Variants in GAB1 observed in about 807,000 individuals in gnomAD.
The protein encoded by GAB1 is GRB2 associated binding protein 1.
GAB1 carries 19 observed loss-of-function variants against 66.5 expected under a neutral mutation model. That is an observed-to-expected ratio of 0.29 (90% CI 0.20 to 0.42). GAB1 has a LOEUF of 0.42. GAB1 is among the 10% of genes least tolerant of loss of function. The pLI is 1.00. For missense variants in GAB1, 732 were observed against 858.5 expected, an observed-to-expected ratio of 0.85 and a Z score of 1.84; for synonymous variants, 294 against 301.4, an observed-to-expected ratio of 0.98 and a Z score of 0.25.
At chr4:143,408,724 TCTTCAA>T (rs763236895) in intron 1 of GAB1, among the ~76,000 whole-genome samples, 13 of 152,346 alleles carry the variant, frequency 8.5e-5, no homozygotes, top group Non-Finnish European at 1.5e-4. Context: ...GAAACGCACA[TCTTCAA>T]CCCCGACATT....
intron 2 of GAB1, among the ~76,000 whole-genome samples, chr4:143,428,071 A>G (rs1217138994): frequency 6.6e-6 from 1 of 152,210 alleles, no homozygotes; most frequent in African/African-American, 2.4e-5. Flanking sequence ...CCCTGCTGTC[A>G]GTAGCCTTTG....
intron 1 of GAB1, among the ~76,000 whole-genome samples, chr4:143,367,488 A>C (rs1038551677): frequency 1.3e-5 from 2 of 152,060 alleles, no homozygotes; most frequent in Non-Finnish European, 2.9e-5. Flanking sequence ...GGAAAGCCCC[A>C]GAGCCATTGC....
Position 143,433,722 on chromosome 4 carries a change from T to TAA in GAB1, c.593+6_593+7insAA. The TAA allele has an allele frequency of 6.3e-7, 1 of 1,599,982 alleles. No homozygotes were observed. The highest frequency in any genetic ancestry group is 8.6e-7 in the Non-Finnish European group (1 of 1,167,286). On this transcript the variant is annotated splice_region_variant and intron_variant, in intron 3 of 9. Coordinates refer to ENST00000262994, the MANE Select transcript of GAB1 (RefSeq NM_002039.4). Reference sequence around the variant, plus strand: ...AAGAAGCCCGAACCCACCAGGTAAATTATATATGCCCATGTGAGAGAGAGA... The same window carrying TAA: ...AAGAAGCCCGAACCCACCAGGTAAATAATATATATGCCCATGTGAGAGAGAGA...
chr4:143,452,488 A>G (rs1274111381), intron 6 of GAB1, among the ~76,000 whole-genome samples: 1 of 152,236 alleles, frequency 6.6e-6, no homozygotes, highest in Non-Finnish European at 1.5e-5. Flanking sequence ...AGGTTACAGT[A>G]TACAGCAGTA....
chr4:143,350,104 G>GCGTCAT (rs1729142012), intron 1 of GAB1: 1 of 1,235,848 alleles, frequency 8.1e-7, no homozygotes, highest in African/African-American at 1.5e-5. Context: ...CGCTGCACCG[G>GCGTCAT]CGTCATCCGC....
At position 143,460,403 on chromosome 4, in the gene GAB1, G is replaced by C. The variant is rs779614989; in HGVS notation, c.1719G>C (p.Val573=). ...CCATGTCCCCCCGACCAGATTCAGT[G>C]CATAGCACAACTTCAAGCAGTGACT... ...RFPMSPRPDS[V]HSTTSSSDSH... The change falls in exon 8 of 10, where the codon GTG becomes GTC. Residue 573 remains valine, a synonymous_variant. Transcript: ENST00000262994. The C allele has an allele frequency of 3.1e-6, 5 of 1,613,600 alleles. No homozygotes were observed. In the Admixed American group the frequency reaches 5.0e-5, roughly 16 times the overall value.
intron 1 of GAB1, among the ~76,000 whole-genome samples, chr4:143,353,827 T>G (rs1228187367): frequency 6.6e-6 from 1 of 152,212 alleles, no homozygotes; most frequent in Non-Finnish European, 1.5e-5. Context: ...GGTTGTACTT[T>G]AGAACTTTTC....
At chr4:143,409,667 G>A (rs1331351051) in intron 1 of GAB1, among the ~76,000 whole-genome samples, 1 of 152,112 alleles carries the variant, frequency 6.6e-6, no homozygotes, top group Non-Finnish European at 1.5e-5. Context: ...ATTGTCAGTG[G>A]TAGGAAGGTA....
At chr4:143,453,798 C>T (rs1368027933) in intron 6 of GAB1, among the ~76,000 whole-genome samples, 1 of 152,156 alleles carries the variant, frequency 6.6e-6, no homozygotes, top group Non-Finnish European at 1.5e-5. Flanking sequence ...CAGTCATCAT[C>T]TGTGTGACTC....
chr4:143,456,156 G>A (rs980150668), intron 6 of GAB1, among the ~76,000 whole-genome samples: 1 of 152,240 alleles, frequency 6.6e-6, no homozygotes, highest in Non-Finnish European at 1.5e-5. Context: ...ATTTGGGGGA[G>A]TTTAAAAAGT....
chr4:143,366,883 C>G (rs1017185051), intron 1 of GAB1, among the ~76,000 whole-genome samples: 4 of 152,042 alleles, frequency 2.6e-5, no homozygotes, highest in African/African-American at 9.7e-5. Flanking sequence ...AGGCTCATTT[C>G]TCTTACCTGT....
intron 1 of GAB1, among the ~76,000 whole-genome samples, chr4:143,339,836 T>C (rs1280397730): frequency 6.6e-6 from 1 of 152,210 alleles, no homozygotes; most frequent in Non-Finnish European, 1.5e-5. Flanking sequence ...CTGCCTACAT[T>C]GTGTTTTCCA....
chr4:143,443,684 C>T (rs1734356416), intron 6 of GAB1, among the ~76,000 whole-genome samples: 1 of 152,016 alleles, frequency 6.6e-6, no homozygotes, highest in Admixed American at 6.6e-5. Flanking sequence ...TAAAATATGG[C>T]TTGATTAGTT....
At chr4:143,441,744 A>G (rs762428894) in intron 6 of GAB1, among the ~76,000 whole-genome samples, 3 of 151,916 alleles carry the variant, frequency 2.0e-5, no homozygotes, top group African/African-American at 4.8e-5. Flanking sequence ...CTTACTCTGT[A>G]TCCTCTACTT....
chr4:143,433,962 G>A lies in GAB1; in HGVS notation c.593+246G>A, dbSNP rs1475267448. 2.8e-5 allele frequency: 18 copies of A among 634,550 alleles called. No homozygotes were observed. The South Asian group carries it at 3.6e-4, about 13-fold the overall frequency. 39.3% of individuals were successfully genotyped at this position (634,550 alleles called of 1,614,324 possible). On this transcript the variant is annotated intron_variant, in intron 3 of 9. Coordinates refer to ENST00000262994, the MANE Select transcript of GAB1 (RefSeq NM_002039.4). ...GGCAAAGAGCAGTTTTCCCTACAAG[G>A]CTCTTTTGGAAATCTGTCTCCTATT...
chr4:143,390,218 T>C (rs977712683), intron 1 of GAB1, among the ~76,000 whole-genome samples: 5 of 152,160 alleles, frequency 3.3e-5, no homozygotes, highest in Non-Finnish European at 5.9e-5. Context: ...CTGATTTCTT[T>C]CAAAGTTTTG....
At chr4:143,406,412 T>G (rs911348318) in intron 1 of GAB1, among the ~76,000 whole-genome samples, 2 of 152,240 alleles carry the variant, frequency 1.3e-5, no homozygotes, top group African/African-American at 4.8e-5. Flanking sequence ...CCTGGACATT[T>G]GCACCACCTC....
intron 1 of GAB1, among the ~76,000 whole-genome samples, chr4:143,347,510 T>C (rs975150313): frequency 1.3e-5 from 2 of 152,244 alleles, no homozygotes; most frequent in Non-Finnish European, 2.9e-5. Context: ...GTCATATTAC[T>C]TAACCAGTTG....
chr4:143,386,397 T>G (rs1016306878), intron 1 of GAB1, among the ~76,000 whole-genome samples: 2 of 152,216 alleles, frequency 1.3e-5, no homozygotes, highest in Admixed American at 6.5e-5. Context: ...ATAATATTTT[T>G]TATTTTTAAG....
Sources: gnomAD v4.1 joint callset for allele counts (sites outside exome capture counted in the v4.1 genomes callset) on GRCh38, gnomAD v4.1.1 for gene constraint, MANE v1.5 for transcripts, NCBI Gene and HGNC (gene_info 2026-07-23, HGNC 2026-07-21) for gene names.